The following MALRD1 variants were observed in gnomAD, a reference collection of about 807,000 sequenced individuals.
The protein encoded by MALRD1 is MAM and LDL-receptor class A domain-containing protein 1.
MALRD1 carries 247 observed loss-of-function variants against 242.1 expected under a neutral mutation model. The observed-to-expected ratio is 1.02, with a 90% CI of 0.92 to 1.13. The LOEUF is 1.13. Ranked by LOEUF, MALRD1 falls within the 50% of genes most tolerant of loss-of-function variation. The probability of loss-of-function intolerance (pLI) is 0.00; values close to 1 mark genes in which losing one functional copy is unlikely to be tolerated. For missense variants in MALRD1, 2,989 were observed against 2,533.1 expected (o/e 1.18, Z -3.86); for synonymous variants, 995 against 866.6 (o/e 1.15, Z -2.60).
chr10:19,209,508 G>A lies in MALRD1; in HGVS notation c.2819G>A (p.Gly940Asp), dbSNP rs1289997893. 3 of 1,550,700 alleles carry A rather than the reference G, an allele frequency of 1.9e-6. No individual in the cohort carries two copies. The highest frequency in any genetic ancestry group is 3.9e-5 in the Admixed American group (2 of 50,982). ...ATCCTTAATGCCACTGATACAAAAG[G>A]CTGCACCTTCCGCTTCTATTACCAC... is the stretch of plus-strand genomic sequence containing the variant. The part of the protein sequence containing the change: ...SPILNATDTK[G>D]CTFRFYYHMF... Residue 940 changes from glycine to aspartate, a missense_variant, in exon 18 of 40, where the codon GGC becomes GAC. Physicochemically the swap from Gly to Asp is moderately conservative, Grantham distance 94. Transcript: ENST00000454679.
chr10:19,191,473 G>A (rs973546668), intron 14 of MALRD1, among the ~76,000 whole-genome samples: 21 of 152,014 alleles, frequency 1.4e-4, no homozygotes, highest in African/African-American at 4.8e-4. Flanking sequence ...CATATGCTTC[G>A]GCAATTCCAG....
chr10:19,708,340 C>CTTTTT lies in MALRD1; in HGVS notation c.6314+15797_6314+15801dup, dbSNP rs545136011. Among the ~76,000 whole-genome samples, 9 of 76,086 alleles carry CTTTTT rather than the reference C, an allele frequency of 1.2e-4. 3 individuals carry two copies. The highest frequency in any genetic ancestry group is 5.4e-4 in the South Asian group (1 of 1,866). The allele number at this position is 76,086 out of a possible 152,430, so 49.9% of individuals were successfully genotyped here. ...TAACCTTCTTTTTCTTTTTCTTTTT[C>CTTTTT]TTTTTTTTTTTTTTTGAGACAGGGT... On this transcript the variant is annotated intron_variant, in intron 38 of 39. Coordinates refer to ENST00000454679, the MANE Select transcript of MALRD1 (RefSeq NM_001142308.3).
At chr10:19,337,174 CAT>C (rs533489142) in intron 24 of MALRD1, among the ~76,000 whole-genome samples, 38 of 151,962 alleles carry the variant, frequency 2.5e-4, no homozygotes, top group East Asian at 2.3e-3. Flanking sequence ...ACATACTTAA[CAT>C]ATGTGTATAT....
chr10:19,547,212 G>A (rs1471996618), intron 32 of MALRD1, among the ~76,000 whole-genome samples: 1 of 152,028 alleles, frequency 6.6e-6, no homozygotes, highest in Non-Finnish European at 1.5e-5. Flanking sequence ...AAATAATGTG[G>A]GGTCAACGTT....
intron 36 of MALRD1, among the ~76,000 whole-genome samples, chr10:19,651,029 A>G (rs963302650): frequency 5.9e-5 from 9 of 152,202 alleles, no homozygotes; most frequent in African/African-American, 2.2e-4. Context: ...CCTTGTCCAT[A>G]TCAAAAGATG....
intron 34 of MALRD1, among the ~76,000 whole-genome samples, chr10:19,604,732 TA>T (rs1238372731): frequency 1.3e-5 from 2 of 152,174 alleles, no homozygotes; most frequent in African/African-American, 4.8e-5. Context: ...CTGGCTTAAC[TA>T]AAAACTAAAT....
chr10:19,107,741 G>T (rs1836519820), intron 5 of MALRD1, among the ~76,000 whole-genome samples: 1 of 147,566 alleles, frequency 6.8e-6, no homozygotes, highest in African/African-American at 2.5e-5. Flanking sequence ...TTGTGGTTTG[G>T]TGGTTTTCTA....
chr10:19,112,218 C>G (rs1588561114), intron 5 of MALRD1, among the ~76,000 whole-genome samples: 1 of 150,962 alleles, frequency 6.6e-6, no homozygotes, highest in East Asian at 2.0e-4. Context: ...CATTTGGGAA[C>G]CACAAGGTCT....
chr10:19,495,228 C>T (rs534488401), intron 30 of MALRD1, among the ~76,000 whole-genome samples: 48 of 152,114 alleles, frequency 3.2e-4, no homozygotes, highest in African/African-American at 1.1e-3. Flanking sequence ...CTGCCTGCCT[C>T]GGCCTCCCAG....
intron 21 of MALRD1, among the ~76,000 whole-genome samples, chr10:19,321,676 T>A (rs971374547): frequency 6.6e-6 from 1 of 152,162 alleles, no homozygotes; most frequent in Non-Finnish European, 1.5e-5. Context: ...TACAGTAGAT[T>A]ATTGTAAACT....
intron 8 of MALRD1, among the ~76,000 whole-genome samples, chr10:19,133,167 A>G (rs1014675598): frequency 9.9e-5 from 15 of 152,080 alleles, no homozygotes; most frequent in Non-Finnish European, 1.5e-4. Context: ...TCTTACATTC[A>G]ATACATGTTT....
chr10:19,500,918 T>C (rs2131254941), intron 31 of MALRD1, among the ~76,000 whole-genome samples: 1 of 152,020 alleles, frequency 6.6e-6, no homozygotes, highest in South Asian at 2.1e-4. Flanking sequence ...ACGGTGGAGC[T>C]TACATTACAG....
chr10:19,066,646 T>C, intron 1 of MALRD1, 73 bp from the exon 2 acceptor site: 1 of 1,107,274 alleles, frequency 9.0e-7, no homozygotes, highest in Non-Finnish European at 1.1e-6. Flanking sequence ...TAAACTTTAT[T>C]TTTCTGCTAT....
chr10:19,648,536 T>G (rs1840741226), intron 36 of MALRD1, among the ~76,000 whole-genome samples: 1 of 152,040 alleles, frequency 6.6e-6, no homozygotes, highest in Admixed American at 6.6e-5. Flanking sequence ...AATGAACAAC[T>G]GAGGTCTGCT....
intron 38 of MALRD1, among the ~76,000 whole-genome samples, chr10:19,696,416 C>A (rs1001346901): frequency 6.6e-6 from 1 of 152,054 alleles, no homozygotes; most frequent in Admixed American, 6.6e-5. Context: ...GCTGCAACAC[C>A]AAATATGTCA....
chr10:19,164,079 T>C (rs887929891), intron 12 of MALRD1, among the ~76,000 whole-genome samples: 2 of 152,210 alleles, frequency 1.3e-5, no homozygotes, highest in Admixed American at 6.5e-5. Flanking sequence ...ATCCTCTCTT[T>C]CCATGGAATT....
At chr10:19,664,347 T>G (rs1378520038) in intron 36 of MALRD1, among the ~76,000 whole-genome samples, 3 of 152,114 alleles carry the variant, frequency 2.0e-5, no homozygotes, top group African/African-American at 7.2e-5. Context: ...CAAAATTTTA[T>G]ATATTATCTA....
intron 28 of MALRD1, among the ~76,000 whole-genome samples, chr10:19,446,832 G>T (rs1473227848): frequency 6.6e-6 from 1 of 151,618 alleles, no homozygotes; most frequent in Non-Finnish European, 1.5e-5. Flanking sequence ...ATATCCTCTG[G>T]GTATTGAGAT....
At chr10:19,357,723 G>C (rs1197706219) in intron 26 of MALRD1, among the ~76,000 whole-genome samples, 7 of 152,110 alleles carry the variant, frequency 4.6e-5, no homozygotes, top group Admixed American at 2.6e-4. Flanking sequence ...GGGATAAATG[G>C]CATTATGTTC....
Sources: gnomAD v4.1 joint callset for allele counts (sites outside exome capture counted in the v4.1 genomes callset) on GRCh38, gnomAD v4.1.1 for gene constraint, MANE v1.5 for transcripts, NCBI Gene and HGNC (gene_info 2026-07-23, HGNC 2026-07-21) for gene names.